The following DGKK variants were observed in gnomAD, a reference collection of about 807,000 sequenced individuals.
The protein encoded by DGKK is diacylglycerol kinase kappa, also known as 142 kDa diacylglycerol kinase.
In DGKK, 35 loss-of-function variants were observed where a neutral mutation model predicts 92.2. That is an observed-to-expected ratio of 0.38 (90% CI 0.29 to 0.50). DGKK has a LOEUF of 0.50. Ranked by LOEUF, DGKK falls within the 20% of genes least tolerant of loss-of-function variation. The pLI, the probability that DGKK is intolerant of heterozygous loss-of-function variation, is 0.92. For synonymous variants in DGKK, 368 were observed against 360.6 expected, an observed-to-expected ratio of 1.02 and a Z score of -0.23; for missense variants, 910 against 992.2, an observed-to-expected ratio of 0.92 and a Z score of 1.11.
At chrX:50,379,832 T>A in intron 19 of DGKK, 98 bp from the exon 20 acceptor site, 4 of 898,536 alleles carry the variant, frequency 4.5e-6, no homozygotes, top group Non-Finnish European at 6.4e-6. Flanking sequence ...TCTCTTCCAT[T>A]ACATGGAAAT....
Position 50,378,139 on chromosome X carries a change from T to C in DGKK, c.3070A>G (p.Ile1024Val). 2 of 1,210,404 alleles carry C rather than the reference T, an allele frequency of 1.7e-6. No individual in the cohort carries two copies. The highest frequency in any genetic ancestry group is 2.2e-6 in the Non-Finnish European group (2 of 895,016). Residue 1024 changes from isoleucine to valine, a missense_variant, in exon 22 of 28, where the codon ATT (isoleucine) becomes GTT (valine). By Grantham distance (29) the Ile-to-Val change is conservative. Coordinates refer to ENST00000611977, the MANE Select transcript of DGKK (RefSeq NM_001013742.4). Reference protein sequence around the residue: ...AWIQRPGLIKIRYKNAAQMLT... With the variant: ...AWIQRPGLIKVRYKNAAQMLT... ...ATCTGGGCAGCGTTCTTGTATCTAA[T>C]TTTGATAAGGCCTGGTCTCTGAATC...
chrX:50,443,300 C>G (rs1926210146), intron 1 of DGKK, among the ~76,000 whole-genome samples: 1 of 111,302 alleles, frequency 9.0e-6, no homozygotes, highest in Admixed American at 9.6e-5. Context: ...CCCATTTCCA[C>G]TGTGACATCC....
chrX:50,420,321 C>T (rs1471401586), intron 4 of DGKK, 82 bp downstream of exon 4: 26 of 871,631 alleles, frequency 3.0e-5, no homozygotes, highest in Non-Finnish European at 3.8e-5. Flanking sequence ...CTTATTATTT[C>T]CCTGCTCTAA....
At chrX:50,448,570 G>A (rs1005356670) in intron 1 of DGKK, among the ~76,000 whole-genome samples, 2 of 111,071 alleles carry the variant, frequency 1.8e-5, no homozygotes, top group Non-Finnish European at 3.8e-5. Context: ...AGCCACAAAT[G>A]GACTCAATAA....
At chrX:50,371,992 GAATATCCAGAA>G (rs1461648193) in intron 25 of DGKK, among the ~76,000 whole-genome samples, 158 bp from the exon 26 acceptor site, 1 of 111,585 alleles carries the variant, frequency 9.0e-6, no homozygotes, top group African/African-American at 3.3e-5. Flanking sequence ...TTCTCAAAAG[GAATATCCAGAA>G]AACAACCAAA....
Position 50,367,379 on chromosome X carries a change from G to C in DGKK, c.*1561C>G, listed in dbSNP as rs971409984. 2.7e-5 allele frequency: 3 copies of C among 111,641 alleles called. No individual in the cohort carries two copies. The allele number at this position is 111,641 out of a possible 1,213,427, so 9.2% of individuals were successfully genotyped here. ...GGGAGAAGGCATTTTTGAAAAATGTGAATTAGTATTTGGAGCGATTTAGGA... is the reference window on the plus strand; with the variant it reads ...GGGAGAAGGCATTTTTGAAAAATGTCAATTAGTATTTGGAGCGATTTAGGA... On this transcript the variant is annotated 3_prime_UTR_variant, in exon 28 of 28. Coordinates refer to ENST00000611977, the MANE Select transcript of DGKK (RefSeq NM_001013742.4).
chrX:50,393,861 C>T (rs909783692), intron 8 of DGKK, among the ~76,000 whole-genome samples: 2 of 111,867 alleles, frequency 1.8e-5, no homozygotes, highest in African/African-American at 3.3e-5. Context: ...AATAACAGAA[C>T]GTATCAATGT....
rs1557230335 is a variant in DGKK, at chrX:50,431,821, C to T, written c.646-7463G>A. Among the ~76,000 whole-genome samples, 3 of 111,996 alleles carry T rather than the reference C, an allele frequency of 2.7e-5. No homozygotes were observed. In the East Asian group the frequency reaches 8.4e-4, roughly 31 times the overall value. ...TTTACATTCCCCAGGGTCCTGTTGA[C>T]ATGGCAGGAGTCAGACAGACTGGCT... is the stretch of plus-strand genomic sequence containing the variant. On this transcript the variant is annotated intron_variant, in intron 1 of 27. Transcript: ENST00000611977.
chrX:50,448,389 GC>G (rs1926418474), intron 1 of DGKK, among the ~76,000 whole-genome samples: 1 of 110,574 alleles, frequency 9.0e-6, no homozygotes, highest in Admixed American at 9.7e-5. Context: ...GGTGGGAAGT[GC>G]TTTCTAAACA....
intron 7 of DGKK, 137 bp from the exon 8 acceptor site, chrX:50,401,276 A>G (rs1924998231): frequency 3.5e-6 from 2 of 570,328 alleles, no homozygotes; most frequent in African/African-American, 4.5e-5. Flanking sequence ...TGCCATACAT[A>G]TATCCCTAAC....
intron 1 of DGKK, among the ~76,000 whole-genome samples, chrX:50,434,104 C>A (rs999878659): frequency 9.0e-6 from 1 of 110,909 alleles, no homozygotes; most frequent in Non-Finnish European, 1.9e-5. Context: ...TAACCCTGGG[C>A]TCCCACCACC....
Position 50,458,331 on chromosome X carries a change from T to G in DGKK, c.645+11703A>C, listed in dbSNP as rs1223318011. 9.1e-5 allele frequency among the ~76,000 whole-genome samples: 10 copies of G among 110,436 alleles called. No homozygotes were observed. In the Admixed American group the frequency reaches 9.8e-4, roughly 11 times the overall value. ...GACTACCTGACCCCCAAAGGCTCTT[T>G]CCAGGACATTCTATGGGTCTATAAT... On this transcript the variant is annotated intron_variant, in intron 1 of 27. Coordinates refer to ENST00000611977, the MANE Select transcript of DGKK (RefSeq NM_001013742.4).
At chrX:50,401,729 C>T (rs1925010277) in intron 7 of DGKK, among the ~76,000 whole-genome samples, 1 of 109,141 alleles carries the variant, frequency 9.2e-6, no homozygotes. Flanking sequence ...ATGAACCTGG[C>T]CTGGTTATTC....
chrX:50,398,190 G>A (rs1215742212), intron 8 of DGKK, among the ~76,000 whole-genome samples: 3 of 111,696 alleles, frequency 2.7e-5, no homozygotes, highest in Non-Finnish European at 5.6e-5. Flanking sequence ...CTTCAGCTGG[G>A]TGCTGAAGAA....
intron 27 of DGKK, among the ~76,000 whole-genome samples, chrX:50,369,583 A>G (rs1924066423): frequency 2.0e-5 from 2 of 100,669 alleles, no homozygotes; most frequent in Admixed American, 2.2e-4. Flanking sequence ...TTCTTTCAAG[A>G]TGAGGTCTCA....
intron 1 of DGKK, among the ~76,000 whole-genome samples, chrX:50,458,659 C>G (rs1926670225): frequency 9.0e-6 from 1 of 111,013 alleles, no homozygotes; most frequent in Non-Finnish European, 1.9e-5. Flanking sequence ...TTATACTAAT[C>G]AACAGCTCTT....
chrX:50,398,611 T>C (rs1267189271), intron 8 of DGKK, among the ~76,000 whole-genome samples: 1 of 111,828 alleles, frequency 8.9e-6, no homozygotes, highest in African/African-American at 3.2e-5. Context: ...AAGAAGAAAG[T>C]AACAATGCCA....
rs782525357 is a variant in DGKK, at chrX:50,370,526, A to G, written c.3636T>C (p.Ser1212=). ...ACTTAATTTTCAGCCTGAGGCTTCT[A>G]CTGTCAGTGTCCGAAGATTTTTCCT... ...VPEEKSSDTD[S]RSLRLKIKFP... The change falls in exon 27 of 28, where the codon AGT becomes AGC. Residue 1212 remains serine (S), a synonymous_variant. Transcript: ENST00000611977. The G allele has an allele frequency of 1.7e-6, 2 of 1,198,888 alleles. No individual in the cohort carries two copies. Among genetic ancestry groups the G allele is most frequent in the East Asian group, 3.0e-5 (1 of 33,428 alleles).
Position 50,376,861 on chromosome X carries a change from G to C in DGKK, c.3169C>G (p.Pro1057Ala). The change falls in exon 23 of 28, where the codon CCT becomes GCT. Residue 1057 changes from proline (P) to alanine (A), a missense_variant. Physicochemically the swap from Pro to Ala is conservative, Grantham distance 27 (BLOSUM62 -1). Transcript: ENST00000611977. ...TCCTGGAAGTCCAGCTGGGGTTGAGGGGCAGCTTGAATTTCAGTATGCTTG... is the reference window on the plus strand; with the variant it reads ...TCCTGGAAGTCCAGCTGGGGTTGAGCGGCAGCTTGAATTTCAGTATGCTTG... ...EYKHTEIQAAPQPQLDFQDSQ... is the reference protein window; with the variant it reads ...EYKHTEIQAAAQPQLDFQDSQ... The C allele has an allele frequency of 8.3e-7, 1 of 1,207,735 alleles. No homozygotes were observed. The highest frequency in any genetic ancestry group is 1.1e-6 in the Non-Finnish European group (1 of 893,502).
Sources: gnomAD v4.1 joint callset for allele counts (sites outside exome capture counted in the v4.1 genomes callset) on GRCh38, gnomAD v4.1.1 for gene constraint, MANE v1.5 for transcripts, NCBI Gene and HGNC (gene_info 2026-07-23, HGNC 2026-07-21) for gene names.